NRG1: variants seen among roughly 807,000 people sequenced by gnomAD.
NRG1 encodes the protein neuregulin 1.
NRG1 carries 18 observed loss-of-function variants against 63.8 expected under a neutral mutation model. The ratio of observed to expected loss-of-function variants is 0.28; its 90% confidence interval spans 0.19 to 0.42. The LOEUF is 0.42. NRG1 is among the 10% of genes least tolerant of loss of function. NRG1 has a pLI of 1.00. For synonymous variants in NRG1, 302 were observed against 301.3 expected, an observed-to-expected ratio of 1.00 and a Z score of -0.02; for missense variants, 762 against 814.7, an observed-to-expected ratio of 0.94 and a Z score of 0.79.
At chr8:31,746,567 A>G (rs1212902433) in intron 1 of NRG1, among the ~76,000 whole-genome samples, 1 of 152,016 alleles carries the variant, frequency 6.6e-6, no homozygotes, top group Non-Finnish European at 1.5e-5. Context: ...TAGGCCCGAT[A>G]CAAGAAGTGT....
intron 1 of NRG1, among the ~76,000 whole-genome samples, chr8:31,675,497 T>G (rs997518930): frequency 5.3e-5 from 8 of 152,202 alleles, no homozygotes; most frequent in African/African-American, 1.9e-4. Flanking sequence ...ATTGTTTGAA[T>G]TCTCCTTTAG....
intron 1 of NRG1, among the ~76,000 whole-genome samples, chr8:32,111,509 T>C (rs753119841): frequency 3.9e-5 from 6 of 152,342 alleles, no homozygotes; most frequent in Admixed American, 3.3e-4. Context: ...ACCTCCACTC[T>C]GTCACATCTT....
chr8:31,941,892 A>G (rs1197588864), intron 1 of NRG1, among the ~76,000 whole-genome samples: 1 of 152,012 alleles, frequency 6.6e-6, no homozygotes, highest in Non-Finnish European at 1.5e-5. Context: ...AATCATAGAC[A>G]ACACAAACAA....
At chr8:32,288,552 C>A (rs535368681) in intron 1 of NRG1, among the ~76,000 whole-genome samples, 1 of 152,100 alleles carries the variant, frequency 6.6e-6, no homozygotes, top group African/African-American at 2.4e-5. Flanking sequence ...ATGGCATGCT[C>A]GAGTGTAGTC....
At chr8:32,289,408 G>C (rs1238507542) in intron 1 of NRG1, among the ~76,000 whole-genome samples, 1 of 151,450 alleles carries the variant, frequency 6.6e-6, no homozygotes, top group Non-Finnish European at 1.5e-5. Flanking sequence ...TTATTGTCAA[G>C]GACAAATGAG....
At chr8:32,184,447 A>T (rs766471929) in intron 1 of NRG1, among the ~76,000 whole-genome samples, 7 of 152,202 alleles carry the variant, frequency 4.6e-5, no homozygotes, top group Non-Finnish European at 8.8e-5. Context: ...ATTCTCACTT[A>T]CCATAAATTT....
At chr8:32,692,905 A>T (rs1475552405) in intron 5 of NRG1, among the ~76,000 whole-genome samples, 3 of 152,152 alleles carry the variant, frequency 2.0e-5, no homozygotes, top group Non-Finnish European at 4.4e-5. Flanking sequence ...CTGCCACCTG[A>T]CATGTGCAGG....
intron 1 of NRG1, among the ~76,000 whole-genome samples, chr8:31,853,366 T>C (rs1487015373): frequency 2.0e-5 from 3 of 150,714 alleles, no homozygotes; most frequent in Non-Finnish European, 3.0e-5. Context: ...TTATTCTCTT[T>C]GAAGCAATTG....
intron 1 of NRG1, among the ~76,000 whole-genome samples, chr8:31,756,139 A>G (rs1052832865): frequency 1.3e-5 from 2 of 152,226 alleles, no homozygotes; most frequent in African/African-American, 2.4e-5. Flanking sequence ...GGCTTACACA[A>G]TTGAGAGGAG....
intron 5 of NRG1, among the ~76,000 whole-genome samples, chr8:32,662,128 G>A (rs1253826523): frequency 1.3e-5 from 2 of 152,184 alleles, no homozygotes; most frequent in African/African-American, 2.4e-5. Flanking sequence ...CCAAAAGTGT[G>A]TACATCTCTT....
At chr8:32,353,639 A>C (rs1281479826) in intron 1 of NRG1, among the ~76,000 whole-genome samples, 2 of 152,252 alleles carry the variant, frequency 1.3e-5, no homozygotes, top group Admixed American at 6.5e-5. Flanking sequence ...ACCTATCAGA[A>C]TGTCTGAGAT....
intron 1 of NRG1, among the ~76,000 whole-genome samples, chr8:31,726,897 G>T (rs1386200788): frequency 6.6e-6 from 1 of 152,152 alleles, no homozygotes; most frequent in Non-Finnish European, 1.5e-5. Context: ...TCCAGAGAAG[G>T]TCTGGTTATG....
intron 1 of NRG1, among the ~76,000 whole-genome samples, chr8:32,132,695 T>C (rs918041716): frequency 6.6e-6 from 1 of 152,098 alleles, no homozygotes; most frequent in Non-Finnish European, 1.5e-5. Flanking sequence ...TGAGATAATA[T>C]AGTGTTTACT....
intron 1 of NRG1, among the ~76,000 whole-genome samples, chr8:32,174,894 A>G (rs1330933973): frequency 6.6e-6 from 1 of 152,218 alleles, no homozygotes; most frequent in African/African-American, 2.4e-5. Context: ...GCCAAATTCT[A>G]CCGAGGTACA....
intron 1 of NRG1, among the ~76,000 whole-genome samples, chr8:32,172,204 G>T (rs1840143331): frequency 6.6e-6 from 1 of 152,154 alleles, no homozygotes; most frequent in African/African-American, 2.4e-5. Context: ...CTGCTGTTCT[G>T]CAGCCTCCGC....
At position 31,921,793 on chromosome 8, in the gene NRG1, G is replaced by A. The variant is rs997861269; in HGVS notation, c.37+282362G>A. ...TGAACACTCAGGATTTTATTTTGTG[G>A]TATTGGTTGCAATTATGGAGATGTT... On this transcript the variant is annotated intron_variant, in intron 1 of 10. Transcript: ENST00000519301. 5.9e-5 allele frequency among the ~76,000 whole-genome samples: 9 copies of A among 152,216 alleles called. No homozygotes were observed. The South Asian group carries it at 1.5e-3, about 25-fold the overall frequency.
At chr8:31,751,332 G>A (rs985902312) in intron 1 of NRG1, among the ~76,000 whole-genome samples, 3 of 151,968 alleles carry the variant, frequency 2.0e-5, no homozygotes, top group African/African-American at 7.2e-5. Context: ...AATGGCCCTT[G>A]GGCTAGTAAT....
chr8:31,991,075 A>T (rs1810980057), intron 1 of NRG1, among the ~76,000 whole-genome samples: 1 of 152,076 alleles, frequency 6.6e-6, no homozygotes, highest in Non-Finnish European at 1.5e-5. Flanking sequence ...CATCACTGTC[A>T]TGTTAGCTGT....
intron 1 of NRG1, among the ~76,000 whole-genome samples, chr8:31,664,387 G>T (rs1010901954): frequency 6.6e-6 from 1 of 152,208 alleles, no homozygotes; most frequent in Admixed American, 6.5e-5. Flanking sequence ...TGGGAGGAAG[G>T]TTGGAAATAT....
Sources: gnomAD v4.1 joint callset for allele counts (sites outside exome capture counted in the v4.1 genomes callset) on GRCh38, gnomAD v4.1.1 for gene constraint, MANE v1.5 for transcripts, NCBI Gene and HGNC (gene_info 2026-07-23, HGNC 2026-07-21) for gene names.